The following SFMBT1 variants were observed in gnomAD, a reference collection of about 807,000 sequenced individuals.
The protein encoded by SFMBT1 is scm-like with four MBT domains protein 1.
A neutral mutation model predicts 108.7 loss-of-function variants in SFMBT1; 32 were observed. That is an observed-to-expected ratio of 0.29 (90% CI 0.22 to 0.40). SFMBT1 has a LOEUF of 0.40. Ranked by LOEUF, SFMBT1 falls within the 10% of genes least tolerant of loss-of-function variation. The pLI, the probability that SFMBT1 is intolerant of heterozygous loss-of-function variation, is 1.00. For missense variants in SFMBT1, 816 were observed against 1,059.6 expected, an observed-to-expected ratio of 0.77 and a Z score of 3.19; for synonymous variants, 348 against 369.5, an observed-to-expected ratio of 0.94 and a Z score of 0.67.
intron 17 of SFMBT1, among the ~76,000 whole-genome samples, chr3:52,909,446 T>TA (rs61517561): frequency 0.022 from 3,277 of 152,322 alleles, 143 homozygotes; most frequent in African/African-American, 0.075. Flanking sequence ...GTTAGACTTA[T>TA]AAGATTTTGT....
At chr3:52,907,480 G>A (rs1352958212) in intron 18 of SFMBT1, 75 bp downstream of exon 18, 4 of 1,538,208 alleles carry the variant, frequency 2.6e-6, no homozygotes, top group East Asian at 4.5e-5. Context: ...AAGACCTGCA[G>A]GTATTCTGTG....
rs1432564978 is a variant in SFMBT1 at position 53,046,053 on chromosome 3, C to CGCTCCGA, written c.-375_-369dup. On this transcript the variant is annotated 5_prime_UTR_variant, in exon 1 of 21. An upstream open reading frame in the 5' UTR loses its in-frame stop. Coordinates refer to ENST00000394752, the MANE Select transcript of SFMBT1 (RefSeq NM_016329.4). ...CGGCGGAGGCGGCGGCGGCGCTCCGCGCTCCGACTCATTCCAATATGGCAC... is the reference window on the plus strand; with the variant it reads ...CGGCGGAGGCGGCGGCGGCGCTCCGCGCTCCGAGCTCCGACTCATTCCAATATGGCAC... The CGCTCCGA allele has an allele frequency of 1.3e-5, 2 of 151,322 alleles. No homozygotes were observed. Among genetic ancestry groups the CGCTCCGA allele is most frequent in the South Asian group, 4.1e-4 (2 of 4,832 alleles). The allele number at this position is 151,322 out of a possible 1,614,324, so 9.4% of individuals were successfully genotyped here.
intron 1 of SFMBT1, among the ~76,000 whole-genome samples, chr3:53,000,262 CTTT>C (rs144089705): frequency 7.4e-6 from 1 of 134,868 alleles, no homozygotes. Context: ...TCTTAAGCCA[CTTT>C]TTTTTTTTTT....
chr3:52,953,435 A>AC (rs888253450), intron 3 of SFMBT1, among the ~76,000 whole-genome samples: 5 of 100,544 alleles, frequency 5.0e-5, no homozygotes, highest in African/African-American at 1.5e-4. Flanking sequence ...CTGACCCCCT[A>AC]CCCCCCTCAC....
intron 3 of SFMBT1, among the ~76,000 whole-genome samples, chr3:52,950,605 G>A (rs1703541384): frequency 6.6e-6 from 1 of 152,064 alleles, no homozygotes; most frequent in African/African-American, 2.4e-5. Flanking sequence ...CTCCCAAGCA[G>A]CTGGAATTAC....
intron 1 of SFMBT1, among the ~76,000 whole-genome samples, chr3:52,973,164 C>T (rs1704407480): frequency 6.6e-6 from 1 of 152,116 alleles, no homozygotes; most frequent in African/African-American, 2.4e-5. Flanking sequence ...TTACCATGAG[C>T]AATGATCACA....
chr3:52,982,133 G>T (rs1407692254), intron 1 of SFMBT1, among the ~76,000 whole-genome samples: 3 of 152,166 alleles, frequency 2.0e-5, no homozygotes, highest in Admixed American at 6.5e-5. Context: ...TCAGTCCCTA[G>T]ATCAGGAGCT....
intron 1 of SFMBT1, among the ~76,000 whole-genome samples, chr3:52,979,146 C>T (rs1704620721): frequency 6.6e-6 from 1 of 151,136 alleles, no homozygotes; most frequent in African/African-American, 2.4e-5. Flanking sequence ...TATTCAAGGA[C>T]ATAACTGTGC....
At chr3:52,952,023 G>C (rs1220451629) in intron 3 of SFMBT1, among the ~76,000 whole-genome samples, 1 of 152,180 alleles carries the variant, frequency 6.6e-6, no homozygotes, top group East Asian at 1.9e-4. Flanking sequence ...TAATCAAAAA[G>C]GGCAGCTAAC....
At chr3:52,958,452 G>A (rs188426445) in intron 2 of SFMBT1, among the ~76,000 whole-genome samples, 2 of 152,260 alleles carry the variant, frequency 1.3e-5, no homozygotes, top group Admixed American at 1.3e-4. Context: ...TTAGCCAGGC[G>A]TGGTGGCGTG....
intron 1 of SFMBT1, among the ~76,000 whole-genome samples, chr3:52,973,099 C>T (rs1704405362): frequency 6.6e-6 from 1 of 152,094 alleles, no homozygotes; most frequent in Non-Finnish European, 1.5e-5. Context: ...CCCCTGTAGT[C>T]CCAGTGCTTT....
intron 1 of SFMBT1, among the ~76,000 whole-genome samples, chr3:52,980,960 C>T (rs970113757): frequency 2.6e-5 from 4 of 152,014 alleles, no homozygotes; most frequent in South Asian, 4.1e-4. Flanking sequence ...GTGGGGAGTT[C>T]GAGACCAGCT....
chr3:52,908,579 T>C (rs745353984), intron 17 of SFMBT1, among the ~76,000 whole-genome samples: 3 of 152,132 alleles, frequency 2.0e-5, no homozygotes, highest in Non-Finnish European at 4.4e-5. Flanking sequence ...TCTGTCCCAT[T>C]GTTCTATTTT....
rs549516835 is a variant in SFMBT1, at chr3:52,997,304, G to A, written c.-130-28046C>T. ...TATTCTCCCAGCACTTTGGGAGGCC[G>A]AGGGGGGCGGATCACGAGGTCAGGA... On this transcript the variant is annotated intron_variant, in intron 1 of 20. Coordinates refer to ENST00000394752, the MANE Select transcript of SFMBT1 (RefSeq NM_016329.4). Among the ~76,000 whole-genome samples, 111 of 149,746 alleles carry A rather than the reference G, an allele frequency of 7.4e-4. 12 individuals are homozygous for A. In the South Asian group the frequency reaches 0.02, roughly 27 times the overall value.
At chr3:52,948,765 C>T (rs1047868504) in intron 3 of SFMBT1, among the ~76,000 whole-genome samples, 2 of 149,820 alleles carry the variant, frequency 1.3e-5, no homozygotes, top group Non-Finnish European at 3.0e-5. Flanking sequence ...GATCCCCCCA[C>T]CCCAGCCTCT....
At chr3:52,931,998 C>T (rs1452009709) in intron 6 of SFMBT1, 64 bp downstream of exon 6, 1 of 1,536,350 alleles carries the variant, frequency 6.5e-7, no homozygotes, top group East Asian at 2.3e-5. Flanking sequence ...TTTTTTCAGC[C>T]TCATAGATAT....
At chr3:52,933,648 G>A (rs2106799179) in intron 5 of SFMBT1, among the ~76,000 whole-genome samples, 1 of 152,266 alleles carries the variant, frequency 6.6e-6, no homozygotes, top group East Asian at 1.9e-4. Flanking sequence ...TTTTTAGTAT[G>A]TATAAGGCCC....
Position 52,969,135 on chromosome 3 carries a change from A to G in SFMBT1, c.-7T>C, listed in dbSNP as rs1704255972. 6.2e-7 allele frequency: 1 copy of G among 1,613,996 alleles called. No homozygotes were observed. The highest frequency in any genetic ancestry group is 1.1e-5 in the South Asian group (1 of 91,082). ...GCTGCTGCTCCCCGTTCATTTCCAC[A>G]GCATATAGGCAGGCTATATCCTCCC... is the stretch of plus-strand genomic sequence containing the variant. On this transcript the variant is annotated 5_prime_UTR_variant, in exon 2 of 21. Coordinates refer to ENST00000394752, the MANE Select transcript of SFMBT1 (RefSeq NM_016329.4).
chr3:53,011,780 T>G (rs559809789), intron 1 of SFMBT1, among the ~76,000 whole-genome samples: 10 of 152,368 alleles, frequency 6.6e-5, no homozygotes, highest in African/African-American at 2.4e-4. Context: ...AAAAGACTGG[T>G]GTGTTCACCA....
Sources: allele counts gnomAD v4.1 joint callset (sites outside exome capture counted in the v4.1 genomes callset), GRCh38; gene constraint gnomAD v4.1.1; transcripts MANE v1.5; gene names NCBI Gene and HGNC (gene_info 2026-07-23, HGNC 2026-07-21).